The following NUP214 variants were observed in gnomAD, a reference collection of about 807,000 sequenced individuals.
NUP214 encodes the protein nuclear pore complex protein Nup214.
Under a neutral mutation model 196.2 loss-of-function variants are expected in NUP214, and 79 were observed. The observed-to-expected ratio is 0.40, with a 90% confidence interval of 0.34 to 0.49. NUP214 has a LOEUF of 0.49. Among genes scored for constraint, NUP214 ranks in the 20% least tolerant of loss-of-function variants. NUP214 has a pLI of 0.58. For synonymous variants in NUP214, 1,020 were observed against 990.5 expected, an observed-to-expected ratio of 1.03 and a Z score of -0.56; for missense variants, 2,468 against 2,539.0, an observed-to-expected ratio of 0.97 and a Z score of 0.60.
At chr9:131,208,943 G>A (rs1191654521) in intron 30 of NUP214, among the ~76,000 whole-genome samples, 2 of 151,272 alleles carry the variant, frequency 1.3e-5, no homozygotes, top group African/African-American at 4.9e-5. Flanking sequence ...AACCCAGGAG[G>A]CGGAGGTTGC....
At position 131,198,583 on chromosome 9, in the gene NUP214, G is replaced by C; in HGVS notation, c.5089G>C (p.Ala1697Pro). The change falls in exon 29 of 36, where the codon GCA becomes CCA. Residue 1697 changes from alanine to proline, a missense_variant. Ala to Pro is a conservative substitution (Grantham distance 27, BLOSUM62 -1). This residue lies in a region of NUP214 where 1,801 missense variants were observed against 1,779.4 expected (regional missense o/e 1.01). Transcript: ENST00000359428. ...GCAGACTGGTAGCACAGCCAGCACA[G>C]CAGCTGCCACACCACAGGTCAGCAG... The part of the protein sequence containing the change: ...GQQTGSTAST[A>P]AATPQVSSSG... The C allele has an allele frequency of 2.5e-6, 4 of 1,614,238 alleles. No homozygotes were observed. The highest frequency in any genetic ancestry group is 3.4e-6 in the Non-Finnish European group (4 of 1,180,052).
intron 26 of NUP214, among the ~76,000 whole-genome samples, chr9:131,189,620 C>T (rs1388920726): frequency 6.6e-6 from 1 of 152,052 alleles, no homozygotes; most frequent in Non-Finnish European, 1.5e-5. Flanking sequence ...TATAATGAGT[C>T]GATATTATGA....
At position 131,192,263 on chromosome 9, in the gene NUP214, C is replaced by T; in HGVS notation, c.3630C>T (p.Phe1210=). 1 of 1,428,482 alleles carries T rather than the reference C, an allele frequency of 7.0e-7. No homozygotes were observed. The highest frequency in any genetic ancestry group is 9.3e-7 in the Non-Finnish European group (1 of 1,071,118). 88.5% of individuals were successfully genotyped at this position (1,428,482 alleles called of 1,614,324 possible). ...VTSTPSASGQ[F]SKPFSFSPSG... ...CAACCCCATCTGCTTCTGGGCAGTT[C>T]AGCAAGCCTTTCTCATTTTCTCCAT... Residue 1210 remains phenylalanine, a synonymous_variant, in exon 27 of 36, where the codon TTC becomes TTT. Coordinates refer to ENST00000359428, the MANE Select transcript of NUP214 (RefSeq NM_005085.4).
chr9:131,200,448 G>A (rs1469875886), intron 29 of NUP214, among the ~76,000 whole-genome samples: 3 of 152,190 alleles, frequency 2.0e-5, no homozygotes, highest in Admixed American at 6.5e-5. Context: ...GGTGGCTCAC[G>A]CCTGTAATCC....
intron 12 of NUP214, 93 bp downstream of exon 12, chr9:131,144,847 C>T: frequency 9.8e-7 from 1 of 1,019,514 alleles, no homozygotes; most frequent in Non-Finnish European, 1.4e-6. Context: ...GAGGAGTTAA[C>T]TGAGTAGAAT....
intron 18 of NUP214, among the ~76,000 whole-genome samples, chr9:131,160,600 T>A (rs1832603493): frequency 6.6e-6 from 1 of 152,258 alleles, no homozygotes; most frequent in African/African-American, 2.4e-5. Context: ...CTACACTTGA[T>A]TAATGATTAG....
intron 3 of NUP214, 32 bp from the exon 4 acceptor site, chr9:131,129,247 C>T (rs772266102): frequency 1.9e-6 from 3 of 1,570,476 alleles, no homozygotes; most frequent in Admixed American, 1.7e-5. Flanking sequence ...TATTTGTTAA[C>T]TTATTTCACT....
At chr9:131,195,545 AATGTTAAC>A in intron 28 of NUP214, 1 of 400,408 alleles carries the variant, frequency 2.5e-6, no homozygotes. Context: ...TTAACATTTA[AATGTTAAC>A]ATGTGAATTA....
At chr9:131,216,318 G>A (rs892935306) in intron 31 of NUP214, among the ~76,000 whole-genome samples, 8 of 145,620 alleles carry the variant, frequency 5.5e-5, no homozygotes, top group East Asian at 4.1e-4. Context: ...TCCACTTCCC[G>A]GGTTCATGCC....
intron 32 of NUP214, 43 bp from the exon 33 acceptor site, chr9:131,228,117 T>C: frequency 6.7e-7 from 1 of 1,497,844 alleles, no homozygotes; most frequent in Non-Finnish European, 8.9e-7. Context: ...GTCTCCTCCT[T>C]TCTTTCTCCC....
At position 131,198,171 on chromosome 9, in the gene NUP214, T is replaced by G. The variant is rs752881981; in HGVS notation, c.4677T>G (p.Ser1559Arg). The change falls in exon 29 of 36, where the codon AGT becomes AGG. Residue 1559 changes from serine (S) to arginine (R), a missense_variant. Transcript: ENST00000359428. ...SNSGTAASSTSLVALSAEATP... is the reference protein window; with the variant it reads ...SNSGTAASSTRLVALSAEATP... ...CTGGCACTGCAGCATCTAGTACTAGTCTTGTAGCACTTTCTGCAGAGGCTA... is the reference window on the plus strand; with the variant it reads ...CTGGCACTGCAGCATCTAGTACTAGGCTTGTAGCACTTTCTGCAGAGGCTA... 38 of 1,614,040 alleles carry G rather than the reference T, an allele frequency of 2.4e-5. No homozygotes were observed. The highest frequency in any genetic ancestry group is 2.9e-5 in the Non-Finnish European group (34 of 1,180,034).
chr9:131,197,339 A>C lies in NUP214; in HGVS notation c.3845A>C (p.Asn1282Thr), dbSNP rs760035583. Residue 1282 changes from asparagine (N) to threonine (T), a missense_variant, in exon 29 of 36, where the codon AAC (asparagine) becomes ACC (threonine). Asn to Thr is a moderately conservative substitution (Grantham distance 65). Transcript: ENST00000359428. The stretch of plus-strand genomic sequence containing the variant: ...CCCTCAGGAATCACATCCGCATCAA[A>C]CACCACCCCAGGAGAACCTGCCGCA... ...SPPSGITSAS[N>T]TTPGEPAASS... 40 of 1,614,036 alleles carry C rather than the reference A, an allele frequency of 2.5e-5. No homozygotes were observed. The highest frequency in any genetic ancestry group is 3.1e-5 in the Non-Finnish European group (37 of 1,180,030).
Position 131,215,263 on chromosome 9 carries a change from G to C in NUP214, c.5644G>C (p.Gly1882Arg). 1 of 1,605,848 alleles carries C rather than the reference G, an allele frequency of 6.2e-7. No homozygotes were observed. The highest frequency in any genetic ancestry group is 8.5e-7 in the Non-Finnish European group (1 of 1,176,196). Residue 1882 changes from glycine to arginine, a missense_variant, in exon 31 of 36, where the codon GGG (glycine) becomes CGG (arginine). This residue lies in a region of NUP214 where 262 missense variants were observed against 296.5 expected (regional missense o/e 0.88). Transcript: ENST00000359428. Reference sequence around the variant, plus strand: ...GTTTGGGTCTGGAAACACTGGAAGAGGGGGAGGTTTCTTCAGTGGCCTTGG... The same window carrying C: ...GTTTGGGTCTGGAAACACTGGAAGACGGGGAGGTTTCTTCAGTGGCCTTGG... ...SVFGSGNTGR[G>R]GGFFSGLGGK...
chr9:131,190,408 A>AT (rs1310662571), intron 26 of NUP214: 1 of 683,824 alleles, frequency 1.5e-6, no homozygotes, highest in African/African-American at 1.8e-5. Context: ...AATTTCCGAG[A>AT]TTCACCATTC....
chr9:131,199,878 A>G (rs1302782174), intron 29 of NUP214, among the ~76,000 whole-genome samples: 1 of 152,296 alleles, frequency 6.6e-6, no homozygotes, highest in East Asian at 1.9e-4. Context: ...CCTTTCTTCA[A>G]CAAATGTTTG....
intron 5 of NUP214, among the ~76,000 whole-genome samples, chr9:131,132,020 T>G (rs1447434283): frequency 2.6e-5 from 4 of 152,126 alleles, no homozygotes; most frequent in Non-Finnish European, 5.9e-5. Flanking sequence ...TCTGCATCAG[T>G]GCTAGTGGCG....
At chr9:131,227,674 T>C (rs186093706) in intron 32 of NUP214, among the ~76,000 whole-genome samples, 52 of 152,278 alleles carry the variant, frequency 3.4e-4, no homozygotes, top group African/African-American at 1.2e-3. Flanking sequence ...ATAATTTGGG[T>C]TTCTATGAAG....
chr9:131,177,741 TGAG>T (rs1222980333), intron 23 of NUP214, among the ~76,000 whole-genome samples: 2 of 152,186 alleles, frequency 1.3e-5, no homozygotes, highest in Non-Finnish European at 2.9e-5. Flanking sequence ...CGAAAGCTGA[TGAG>T]GAGGTGTCAG....
chr9:131,175,627 AG>A lies in NUP214; in HGVS notation c.3319+7del. 1 of 1,614,012 alleles carries A rather than the reference AG, an allele frequency of 6.2e-7. No individual in the cohort carries two copies. Among genetic ancestry groups the A allele is most frequent in the Non-Finnish European group, 8.5e-7 (1 of 1,179,972 alleles). On this transcript the variant is annotated splice_region_variant and intron_variant, in intron 23 of 35. Coordinates refer to ENST00000359428, the MANE Select transcript of NUP214 (RefSeq NM_005085.4). ...GATGGCCAGTCAGGCACCAGGTAAA[AG>A]CTGTAGCCCCATACCTGTACAGAGG...
Sources: gnomAD v4.1 joint callset for allele counts (sites outside exome capture counted in the v4.1 genomes callset) on GRCh38, gnomAD v4.1.1 for gene constraint, gnomAD v4.1.1 regional missense constraint, MANE v1.5 for transcripts, NCBI Gene and HGNC (gene_info 2026-07-23, HGNC 2026-07-21) for gene names.